CPNE4: variants seen among roughly 807,000 people sequenced by gnomAD.
CPNE4 encodes copine 4.
In CPNE4, 25 loss-of-function variants were observed where a neutral mutation model predicts 67.9. The ratio of observed to expected loss-of-function variants is 0.37; its 90% CI spans 0.27 to 0.51. CPNE4 has a LOEUF of 0.51. Among genes scored for constraint, CPNE4 ranks in the 20% least tolerant of loss-of-function variants. The pLI is 0.93. For missense variants in CPNE4, 464 were observed against 690.8 expected (o/e 0.67, Z 3.68); for synonymous variants, 242 against 244.9 (o/e 0.99, Z 0.11).
chr3:131,995,043 G>A (rs963826234), intron 1 of CPNE4, among the ~76,000 whole-genome samples: 4 of 152,070 alleles, frequency 2.6e-5, no homozygotes, highest in Non-Finnish European at 5.9e-5. Context: ...TCTGTAGAGA[G>A]GGGATCTTGC....
chr3:131,617,002 A>G (rs989055858), intron 7 of CPNE4, among the ~76,000 whole-genome samples: 3 of 152,176 alleles, frequency 2.0e-5, no homozygotes, highest in Non-Finnish European at 4.4e-5. Flanking sequence ...CTAGAGGACA[A>G]TGTGCTTCTG....
At chr3:132,013,653 T>C (rs571183734) in intron 1 of CPNE4, among the ~76,000 whole-genome samples, 96 of 152,352 alleles carry the variant, frequency 6.3e-4, no homozygotes, top group Non-Finnish European at 1.2e-3. Flanking sequence ...TTTAGAATAA[T>C]ATAATAATTG....
At chr3:131,644,946 AGAG>A (rs570963621) in intron 7 of CPNE4, among the ~76,000 whole-genome samples, 112 of 152,358 alleles carry the variant, frequency 7.4e-4, no homozygotes, top group African/African-American at 2.3e-3. Context: ...CAGATAAGGA[AGAG>A]GAGACCAAGA....
intron 1 of CPNE4, among the ~76,000 whole-genome samples, chr3:132,018,162 T>C (rs1398418567): frequency 1.3e-5 from 1 of 79,510 alleles, no homozygotes. Context: ...ATGTATATAT[T>C]TTTAAAAAAG....
intron 6 of CPNE4, among the ~76,000 whole-genome samples, chr3:131,674,658 G>C (rs144641082): frequency 6.6e-6 from 1 of 151,712 alleles, no homozygotes; most frequent in African/African-American, 2.4e-5. Flanking sequence ...TGCAGTATTT[G>C]TTATAATGTC....
At chr3:131,964,749 T>G (rs2072293215) in intron 1 of CPNE4, among the ~76,000 whole-genome samples, 1 of 152,104 alleles carries the variant, frequency 6.6e-6, no homozygotes, top group Non-Finnish European at 1.5e-5. Flanking sequence ...TACAATTGAT[T>G]GGTGTATCTG....
At chr3:131,942,836 C>T (rs958153326) in intron 1 of CPNE4, among the ~76,000 whole-genome samples, 19 of 152,276 alleles carry the variant, frequency 1.2e-4, no homozygotes, top group East Asian at 1.9e-4. Flanking sequence ...TCTAAGATCT[C>T]TTCCTGCCAA....
chr3:131,792,784 A>G (rs114434043), intron 2 of CPNE4, among the ~76,000 whole-genome samples: 7,750 of 140,480 alleles, frequency 0.055, 338 homozygotes, highest in African/African-American at 0.11. Context: ...ATGTGTGTGT[A>G]TATATGTATA....
intron 12 of CPNE4, among the ~76,000 whole-genome samples, chr3:131,554,696 C>G (rs747151557): frequency 7.0e-6 from 1 of 141,984 alleles, no homozygotes; most frequent in Non-Finnish European, 1.5e-5. Context: ...TCTACCTCCT[C>G]ACCTGTGGCT....
intron 1 of CPNE4, among the ~76,000 whole-genome samples, chr3:132,009,769 A>AT (rs1369365790): frequency 6.6e-6 from 1 of 152,214 alleles, no homozygotes; most frequent in Non-Finnish European, 1.5e-5. Flanking sequence ...ATCAGGACTA[A>AT]TTTTGTCCCC....
At chr3:131,973,339 T>C (rs1360973446) in intron 1 of CPNE4, among the ~76,000 whole-genome samples, 1 of 152,152 alleles carries the variant, frequency 6.6e-6, no homozygotes. Context: ...AGTCCATCTA[T>C]GTAGGGTGCA....
intron 1 of CPNE4, among the ~76,000 whole-genome samples, chr3:131,943,721 C>G (rs957087061): frequency 4.6e-5 from 7 of 152,118 alleles, no homozygotes; most frequent in Non-Finnish European, 7.4e-5. Context: ...TCTAAAAACA[C>G]TAACATGACC....
intron 7 of CPNE4, among the ~76,000 whole-genome samples, chr3:131,619,506 G>A (rs565356479): frequency 2.4e-4 from 36 of 152,236 alleles, no homozygotes; most frequent in Admixed American, 1.6e-3. Flanking sequence ...CTTTGTGTGC[G>A]GTGAAATGCA....
chr3:131,979,310 GCTGT>G (rs1189957010), intron 1 of CPNE4, among the ~76,000 whole-genome samples: 1 of 152,122 alleles, frequency 6.6e-6, no homozygotes, highest in African/African-American at 2.4e-5. Context: ...CTATTGTGTT[GCTGT>G]CTATCTCATT....
At chr3:132,021,917 G>T (rs768283306) in intron 1 of CPNE4, among the ~76,000 whole-genome samples, 2 of 152,158 alleles carry the variant, frequency 1.3e-5, no homozygotes, top group Non-Finnish European at 2.9e-5. Context: ...AAGCAAAGTG[G>T]AATAGAAGTT....
intron 2 of CPNE4, among the ~76,000 whole-genome samples, chr3:131,898,470 G>A (rs1161256620): frequency 1.3e-5 from 2 of 151,816 alleles, no homozygotes; most frequent in East Asian, 3.9e-4. Flanking sequence ...TTATCTTCAG[G>A]GCATACAAAA....
chr3:132,014,552 C>T (rs549607246), intron 1 of CPNE4, among the ~76,000 whole-genome samples: 1 of 152,280 alleles, frequency 6.6e-6, no homozygotes, highest in African/African-American at 2.4e-5. Context: ...TTCCATTTTA[C>T]TTTTTCTTTC....
chr3:131,863,177 A>C (rs567899275), intron 2 of CPNE4, among the ~76,000 whole-genome samples: 106 of 152,322 alleles, frequency 7.0e-4, no homozygotes, highest in Middle Eastern at 3.4e-3. Flanking sequence ...ATACGTGTGC[A>C]TGTGTCTTTA....
chr3:131,956,129 T>C lies in CPNE4; in HGVS notation c.-1-50685A>G, dbSNP rs150970741. ...ATTTTTTATATGTTAGCATTTTATT[T>C]AGGAATTATTCATTTATGGTCTTAA... On this transcript the variant is annotated intron_variant, in intron 1 of 15. Coordinates refer to ENST00000429747, the MANE Select transcript of CPNE4 (RefSeq NM_130808.3). Among the ~76,000 whole-genome samples, 719 of 152,336 alleles carry C rather than the reference T, an allele frequency of 4.7e-3. 6 individuals are homozygous for C. Among genetic ancestry groups the C allele is most frequent in the African/African-American group, 0.017 (697 of 41,578 alleles).
Sources: allele counts gnomAD v4.1 joint callset (sites outside exome capture counted in the v4.1 genomes callset), GRCh38; gene constraint gnomAD v4.1.1; transcripts MANE v1.5; gene names NCBI Gene and HGNC (gene_info 2026-07-23, HGNC 2026-07-21).